The following RTCB variants were observed in gnomAD, a reference collection of about 807,000 sequenced individuals.
RTCB encodes the protein RNA-splicing ligase RTCB.
Under a neutral mutation model 58.2 loss-of-function variants are expected in RTCB, and 32 were observed. The ratio of observed to expected loss-of-function variants is 0.55; its 90% CI spans 0.41 to 0.74. The LOEUF is 0.74. Ranked by LOEUF, RTCB falls within the 30% of genes least tolerant of loss-of-function variation. RTCB has a pLI of 0.00. For missense variants in RTCB, 523 were observed against 639.0 expected, an observed-to-expected ratio of 0.82 and a Z score of 1.96; for synonymous variants, 247 against 218.6, an observed-to-expected ratio of 1.13 and a Z score of -1.15.
At chr22:32,408,127 A>G (rs1183082365) in intron 3 of RTCB, 48 bp downstream of exon 3, 1 of 1,525,794 alleles carries the variant, frequency 6.6e-7, no homozygotes, top group Admixed American at 1.7e-5. Context: ...CATCCATTCA[A>G]TGGACTTTAA....
chr22:32,394,926 C>G (rs1933219110), intron 9 of RTCB, 100 bp downstream of exon 9: 2 of 1,035,116 alleles, frequency 1.9e-6, no homozygotes, highest in Admixed American at 2.2e-5. Flanking sequence ...AGAGTATTTT[C>G]TTTTCACAAT....
rs912484189 is a variant in RTCB at position 32,389,340 on chromosome 22, A to G, written c.1411-1241T>C. On this transcript the variant is annotated intron_variant, in intron 11 of 11. Transcript: ENST00000216038. ...AAATAGAAGCAGCCAGAATATTCAT[A>G]AACATGCTAACTTTATCTTCCCCAC... Among the ~76,000 whole-genome samples the G allele has an allele frequency of 2.6e-5, 4 of 152,220 alleles. No individual in the cohort carries two copies. In the South Asian group the frequency reaches 8.3e-4, roughly 32 times the overall value.
intron 4 of RTCB, among the ~76,000 whole-genome samples, chr22:32,405,794 C>T (rs1933408750): frequency 6.6e-6 from 1 of 152,164 alleles, no homozygotes; most frequent in South Asian, 2.1e-4. Flanking sequence ...ACAGAACTCT[C>T]AAGATGTCAT....
chr22:32,404,860 T>A (rs1933394787), intron 4 of RTCB, among the ~76,000 whole-genome samples: 1 of 151,940 alleles, frequency 6.6e-6, no homozygotes, highest in African/African-American at 2.4e-5. Flanking sequence ...TTTGTATTTT[T>A]TTTTTTTTAG....
Position 32,408,236 on chromosome 22 carries a change from C to A in RTCB, c.179G>T (p.Gly60Val), listed in dbSNP as rs1933461037. 6.2e-7 allele frequency: 1 copy of A among 1,613,976 alleles called. No individual in the cohort carries two copies. Among genetic ancestry groups the A allele is most frequent in the Non-Finnish European group, 8.5e-7 (1 of 1,179,890 alleles). The change falls in exon 3 of 12, where the codon GGT becomes GTT. Residue 60 changes from glycine to valine, a missense_variant. Coordinates refer to ENST00000216038, the MANE Select transcript of RTCB (RefSeq NM_014306.5). ...LRNACRGGGV[G>V]GFLPAMKQIG... ...CTGTTTCATGGCTGGCAGGAAGCCA[C>A]CAACACCTGAAGACAAAAATTGGGT...
At chr22:32,409,665 G>A (rs1933486198) in intron 1 of RTCB, among the ~76,000 whole-genome samples, 1 of 152,128 alleles carries the variant, frequency 6.6e-6, no homozygotes, top group Non-Finnish European at 1.5e-5. Flanking sequence ...AATATTTCCA[G>A]TATAATTTCT....
chr22:32,397,552 G>A (rs1240259699), intron 7 of RTCB, among the ~76,000 whole-genome samples: 2 of 152,094 alleles, frequency 1.3e-5, no homozygotes, highest in Non-Finnish European at 2.9e-5. Flanking sequence ...ATCTACTGTT[G>A]CAGAGCAGGT....
chr22:32,394,519 G>A (rs1394552902), intron 9 of RTCB, among the ~76,000 whole-genome samples: 3 of 152,102 alleles, frequency 2.0e-5, no homozygotes, highest in Non-Finnish European at 4.4e-5. Context: ...AAAATCTGAG[G>A]ACCAGTAAAA....
intron 10 of RTCB, among the ~76,000 whole-genome samples, chr22:32,392,825 A>T (rs777499161): frequency 1.5e-4 from 23 of 152,232 alleles, no homozygotes; most frequent in Non-Finnish European, 2.9e-4. Context: ...GGTACTCTAG[A>T]CAGTTTCTCT....
intron 1 of RTCB, 145 bp from the exon 2 acceptor site, chr22:32,408,978 C>A: frequency 1.6e-6 from 1 of 616,702 alleles, no homozygotes. Flanking sequence ...AGAAAACTTC[C>A]TATCAAAGAC....
intron 4 of RTCB, among the ~76,000 whole-genome samples, chr22:32,403,787 T>A (rs1017552605): frequency 2.6e-5 from 4 of 152,212 alleles, no homozygotes; most frequent in African/African-American, 9.7e-5. Context: ...TTAACTACAG[T>A]CACTATGTTA....
Position 32,406,603 on chromosome 22 carries a change from G to A in RTCB, c.340+59C>T, listed in dbSNP as rs566380774. On this transcript the variant is annotated intron_variant, in intron 4 of 11. Coordinates refer to ENST00000216038, the MANE Select transcript of RTCB (RefSeq NM_014306.5). ...CCCAAAGTGCTGGGATTACAGACGTGAGCCACCGTGCCCGGCCAATGCTAC... is the reference window on the plus strand; with the variant it reads ...CCCAAAGTGCTGGGATTACAGACGTAAGCCACCGTGCCCGGCCAATGCTAC... The A allele has an allele frequency of 1.4e-5, 17 of 1,201,242 alleles. No individual in the cohort carries two copies. In the South Asian group the frequency reaches 1.9e-4, roughly 14 times the overall value. 74.4% of individuals were successfully genotyped at this position (1,201,242 alleles called of 1,614,324 possible).
intron 7 of RTCB, among the ~76,000 whole-genome samples, chr22:32,397,336 G>A (rs1232101023): frequency 1.3e-5 from 2 of 152,130 alleles, no homozygotes; most frequent in Non-Finnish European, 2.9e-5. Flanking sequence ...GTGTGTAATT[G>A]TCCAAACTGT....
At chr22:32,408,871 A>G (rs982220819) in intron 1 of RTCB, 38 bp from the exon 2 acceptor site, 10 of 1,445,266 alleles carry the variant, frequency 6.9e-6, no homozygotes, top group Non-Finnish European at 9.7e-6. Flanking sequence ...GTCTGAGTAC[A>G]TGCGCGGCAA....
At position 32,395,101 on chromosome 22, in the gene RTCB, C is replaced by T. The variant is rs777787459; in HGVS notation, c.1104G>A (p.Arg368=). The T allele has an allele frequency of 4.8e-5, 78 of 1,614,058 alleles. 1 individual carries two copies. The South Asian group carries it at 8.3e-4, about 17-fold the overall frequency. ...VEQHVVDGKE[R]TLLVHRKGST... ...ATCCCTTCCTGTGTACTAACAGTGTCCGTTCCTTTCCGTCCACCACATGCT... is the reference window on the plus strand; with the variant it reads ...ATCCCTTCCTGTGTACTAACAGTGTTCGTTCCTTTCCGTCCACCACATGCT... Residue 368 remains arginine (R), a synonymous_variant, in exon 9 of 12, where the codon CGG becomes CGA. Transcript: ENST00000216038.
At position 32,402,756 on chromosome 22, in the gene RTCB, G is replaced by GT. The variant is rs571904633; in HGVS notation, c.341-854dup. Among the ~76,000 whole-genome samples the GT allele has an allele frequency of 2.0e-3, 300 of 151,894 alleles. 7 individuals carry two copies. Among genetic ancestry groups the GT allele is most frequent in the Admixed American group, 0.018 (273 of 15,054 alleles). On this transcript the variant is annotated intron_variant, in intron 4 of 11. Coordinates refer to ENST00000216038, the MANE Select transcript of RTCB (RefSeq NM_014306.5). ...GAGCCACCACACCTGGCTGACTTTT[G>GT]TTTTTTTGAGACAGGTTCTTGTTCT...
chr22:32,408,742 C>CT lies in RTCB; in HGVS notation c.172+12dup, dbSNP rs780299562. 4.9e-5 allele frequency: 78 copies of CT among 1,600,484 alleles called. No homozygotes were observed. In the East Asian group the frequency reaches 5.6e-4, roughly 11 times the overall value. On this transcript the variant is annotated intron_variant, in intron 2 of 11. Coordinates refer to ENST00000216038, the MANE Select transcript of RTCB (RefSeq NM_014306.5). ...CTACCGTACTAACACAAGTGAAACT[C>CT]TAATGTACTTACCACCACCTCGACA...
intron 10 of RTCB, among the ~76,000 whole-genome samples, chr22:32,393,032 G>C (rs576323795): frequency 5.3e-4 from 81 of 152,276 alleles, no homozygotes; most frequent in Non-Finnish European, 9.7e-4. Context: ...AATCTCCTGG[G>C]CTCAAGCAAT....
Position 32,412,192 on chromosome 22 carries a change from CT to C in RTCB, c.-37del. ...ACTGTAGCAAAAACTCCCGGCTCCG[CT>C]TTGAAGAGCCGCTGCCGCGTAGTCC... On this transcript the variant is annotated 5_prime_UTR_variant, in exon 1 of 12. Transcript: ENST00000216038. 6.6e-7 allele frequency: 1 copy of C among 1,522,018 alleles called. No individual in the cohort carries two copies. Among genetic ancestry groups the C allele is most frequent in the Non-Finnish European group, 8.9e-7 (1 of 1,119,258 alleles). The allele number at this position is 1,522,018 out of a possible 1,614,324, so 94.3% of individuals were successfully genotyped here.
Sources: gnomAD v4.1 joint callset for allele counts (sites outside exome capture counted in the v4.1 genomes callset) on GRCh38, gnomAD v4.1.1 for gene constraint, MANE v1.5 for transcripts, NCBI Gene and HGNC (gene_info 2026-07-23, HGNC 2026-07-21) for gene names.